STX8: variants seen among roughly 807,000 people sequenced by gnomAD.
The protein encoded by STX8 is syntaxin 8, also known as syntaxin-8.
Under a neutral mutation model 37.5 loss-of-function variants are expected in STX8, and 23 were observed. The observed-to-expected ratio is 0.61, with a 90% confidence interval of 0.44 to 0.87. The LOEUF (loss-of-function observed/expected upper bound fraction) is 0.87, where lower values mean the gene tolerates loss of function less well. Among genes scored for constraint, STX8 ranks in the 40% least tolerant of loss-of-function variants. The pLI, the probability that STX8 is intolerant of heterozygous loss-of-function variation, is 0.00. For missense variants in STX8, 313 were observed against 284.7 expected, an observed-to-expected ratio of 1.10 and a Z score of -0.71; for synonymous variants, 115 against 99.1, an observed-to-expected ratio of 1.16 and a Z score of -0.95.
chr17:9,513,765 T>C (rs1905091105), intron 4 of STX8, among the ~76,000 whole-genome samples: 2 of 152,332 alleles, frequency 1.3e-5, no homozygotes, highest in East Asian at 3.9e-4. Flanking sequence ...AAATATGGAA[T>C]CAACCTATCC....
rs188535852 is a variant in STX8 at position 9,573,085 on chromosome 17, C to T, written c.17+2707G>A. Reference sequence around the variant, plus strand: ...ATTCTAAGCCCACCCCCAACACCCCCCCCCACCCCCGCAACCATCTGAACG... The same window carrying T: ...ATTCTAAGCCCACCCCCAACACCCCTCCCCACCCCCGCAACCATCTGAACG... On this transcript the variant is annotated intron_variant, in intron 1 of 7. Coordinates refer to ENST00000306357, the MANE Select transcript of STX8 (RefSeq NM_004853.3). 7.7e-3 allele frequency among the ~76,000 whole-genome samples: 1,087 copies of T among 141,340 alleles called. 22 individuals carry two copies. The highest frequency in any genetic ancestry group is 0.028 in the African/African-American group (1,044 of 37,582). 92.7% of individuals were successfully genotyped at this position (141,340 alleles called of 152,430 possible).
In STX8 at chr17:9,487,772, C is replaced by T. The variant is rs191893257; in HGVS notation, c.541+4057G>A. 2.5e-3 allele frequency among the ~76,000 whole-genome samples: 386 copies of T among 152,204 alleles called. 1 individual carries two copies. The highest frequency in any genetic ancestry group is 4.7e-3 in the Non-Finnish European group (317 of 68,012). Reference sequence around the variant, plus strand: ...AGGGATAGGGGCAAAATGTGCGAGTCGAAGGACCTCTGACTGTGACTGTGA... The same window carrying T: ...AGGGATAGGGGCAAAATGTGCGAGTTGAAGGACCTCTGACTGTGACTGTGA... On this transcript the variant is annotated intron_variant, in intron 6 of 7. Coordinates refer to ENST00000306357, the MANE Select transcript of STX8 (RefSeq NM_004853.3).
chr17:9,311,063 C>T (rs1425555280), intron 7 of STX8, among the ~76,000 whole-genome samples: 4 of 151,946 alleles, frequency 2.6e-5, no homozygotes, highest in African/African-American at 7.3e-5. Flanking sequence ...GTGGTGAAAC[C>T]GCATCTCTAC....
At chr17:9,279,324 G>C (rs1054468667) in intron 7 of STX8, among the ~76,000 whole-genome samples, 15 of 152,044 alleles carry the variant, frequency 9.9e-5, no homozygotes, top group African/African-American at 3.6e-4. Context: ...CCTTACCTCA[G>C]GTGATCCACC....
At chr17:9,307,241 TC>T (rs1158179325) in intron 7 of STX8, among the ~76,000 whole-genome samples, 5 of 152,106 alleles carry the variant, frequency 3.3e-5, no homozygotes, top group East Asian at 1.9e-4. Flanking sequence ...TTTTTTGCCA[TC>T]CCCCCCACCA....
Position 9,335,772 on chromosome 17 carries a change from C to G in STX8, c.643+42780G>C, listed in dbSNP as rs1359406654. ...AATTTCGAAAAATAAATTATAGTTA[C>G]ACTAATACAACCATGGCATTCAAGG... On this transcript the variant is annotated intron_variant, in intron 7 of 7. Coordinates refer to ENST00000306357, the MANE Select transcript of STX8 (RefSeq NM_004853.3). Among the ~76,000 whole-genome samples, 5 of 151,860 alleles carry G rather than the reference C, an allele frequency of 3.3e-5. No homozygotes were observed. The East Asian group carries it at 9.7e-4, about 29-fold the overall frequency.
intron 7 of STX8, chr17:9,283,279 G>C (rs184930274): frequency 6.6e-6 from 1 of 152,094 alleles, no homozygotes. Flanking sequence ...GAGGTGGCTC[G>C]CACCTGTAAT....
At chr17:9,397,986 T>TC in intron 6 of STX8, among the ~76,000 whole-genome samples, 1 of 73,464 alleles carries the variant, frequency 1.4e-5, no homozygotes, top group East Asian at 6.6e-4. Context: ...AGATTCTGTC[T>TC]CCAAAAAAAA....
Position 9,378,613 on chromosome 17 carries a change from A to C in STX8, c.582T>G (p.Asp194Glu), listed in dbSNP as rs1189493050. The change falls in exon 7 of 8, where the codon GAT becomes GAG. Residue 194 changes from aspartate (D) to glutamate (E), a missense_variant. Asp to Glu is a conservative substitution (Grantham distance 45). Transcript: ENST00000306357. Reference sequence around the variant, plus strand: ...GCCTGGTTTCATTGCGAAGTTTTTCATCTGTGTTCTCCACTAGGTTGGCAA... The same window carrying C: ...GCCTGGTTTCATTGCGAAGTTTTTCCTCTGTGTTCTCCACTAGGTTGGCAA... Reference protein sequence around the residue: ...DDLANLVENTDEKLRNETRRV... With the variant: ...DDLANLVENTEEKLRNETRRV... The C allele has an allele frequency of 1.9e-6, 3 of 1,613,874 alleles. No homozygotes were observed. Among genetic ancestry groups the C allele is most frequent in the Admixed American group, 3.3e-5 (2 of 60,010 alleles).
intron 1 of STX8, among the ~76,000 whole-genome samples, chr17:9,570,865 C>A (rs185362501): frequency 1.1e-4 from 16 of 152,092 alleles, no homozygotes; most frequent in Middle Eastern, 3.4e-3. Flanking sequence ...CATGAGGTTA[C>A]ATCTGGATGA....
intron 7 of STX8, among the ~76,000 whole-genome samples, chr17:9,261,915 G>A (rs1417917113): frequency 1.3e-5 from 2 of 152,200 alleles, no homozygotes; most frequent in Non-Finnish European, 2.9e-5. Context: ...CGGATATCTT[G>A]TTTTGACAAT....
chr17:9,372,727 C>T (rs764703231), intron 7 of STX8, among the ~76,000 whole-genome samples: 14 of 150,530 alleles, frequency 9.3e-5, no homozygotes, highest in East Asian at 2.0e-4. Context: ...CCACCCGCCT[C>T]GGCCTCCCAA....
intron 6 of STX8, among the ~76,000 whole-genome samples, chr17:9,454,315 C>G (rs1309441788): frequency 2.6e-5 from 4 of 152,042 alleles, no homozygotes; most frequent in African/African-American, 4.8e-5. Context: ...GATTCGTGTC[C>G]CAGGTGGAAC....
chr17:9,294,025 A>G (rs1908421279), intron 7 of STX8, among the ~76,000 whole-genome samples: 2 of 152,040 alleles, frequency 1.3e-5, no homozygotes. Context: ...TCGGCCTCCC[A>G]AAGTGCTGGG....
intron 7 of STX8, among the ~76,000 whole-genome samples, chr17:9,301,803 T>G (rs537417897): frequency 6.6e-6 from 1 of 152,198 alleles, no homozygotes; most frequent in African/African-American, 2.4e-5. Context: ...CTTTACTTTT[T>G]AAATAGAAAA....
intron 6 of STX8, among the ~76,000 whole-genome samples, chr17:9,460,547 C>T (rs1905333432): frequency 6.6e-6 from 1 of 151,778 alleles, no homozygotes; most frequent in South Asian, 2.1e-4. Flanking sequence ...GTGGTGGGCG[C>T]CTGTAGTCCC....
chr17:9,288,136 CAAACA>C (rs1350826035), intron 7 of STX8, among the ~76,000 whole-genome samples: 29 of 20,740 alleles, frequency 1.4e-3, no homozygotes, highest in African/African-American at 5.4e-3. Flanking sequence ...AACAAACAAA[CAAACA>C]AAAAAAAAAA....
chr17:9,352,676 A>T (rs906850059), intron 7 of STX8, among the ~76,000 whole-genome samples: 19 of 147,826 alleles, frequency 1.3e-4, no homozygotes, highest in African/African-American at 4.8e-4. Context: ...ATTTTTTTGT[A>T]TTTTTTTAGT....
intron 7 of STX8, among the ~76,000 whole-genome samples, chr17:9,337,635 G>A (rs1910181912): frequency 1.3e-5 from 2 of 152,336 alleles, no homozygotes; most frequent in East Asian, 3.9e-4. Context: ...CCAAAGTGCT[G>A]GGATTACAGG....
Sources: gnomAD v4.1 joint callset for allele counts (sites outside exome capture counted in the v4.1 genomes callset) on GRCh38, gnomAD v4.1.1 for gene constraint, MANE v1.5 for transcripts, NCBI Gene and HGNC (gene_info 2026-07-23, HGNC 2026-07-21) for gene names.